Variants in EXOC4 observed in about 807,000 individuals in gnomAD.
The protein encoded by EXOC4 is SEC8-like 1.
Under a neutral mutation model 107.2 loss-of-function variants are expected in EXOC4, and 71 were observed. The ratio of observed to expected loss-of-function variants is 0.66; its 90% CI spans 0.55 to 0.81. EXOC4 has a LOEUF of 0.81. Ranked by LOEUF, EXOC4 falls within the 30% of genes least tolerant of loss-of-function variation. The pLI, the probability that EXOC4 is intolerant of heterozygous loss-of-function variation, is 0.00. For missense variants in EXOC4, 1,108 were observed against 1,189.6 expected (o/e 0.93, Z 1.01); for synonymous variants, 456 against 441.2 (o/e 1.03, Z -0.42).
rs1797395899 is a variant in EXOC4, at chr7:133,817,333, A to G, written c.1523A>G (p.Gln508Arg). ...TACTGTTTGTCCTCCAGATTTATTC[A>G]GGAGATTGAGCATGCTCTGGGTCTT... ...VIFHPLLRFI[Q>R]EIEHALGLGP... Residue 508 changes from glutamine (Q) to arginine (R), a missense_variant, in exon 11 of 18, where the codon CAG becomes CGG. Coordinates refer to ENST00000253861, the MANE Select transcript of EXOC4 (RefSeq NM_021807.4). 2 of 1,609,748 alleles carry G rather than the reference A, an allele frequency of 1.2e-6. No homozygotes were observed. Among genetic ancestry groups the G allele is most frequent in the Non-Finnish European group, 1.7e-6 (2 of 1,176,168 alleles).
chr7:133,696,565 G>T (rs547849713), intron 10 of EXOC4, among the ~76,000 whole-genome samples: 1 of 152,070 alleles, frequency 6.6e-6, no homozygotes, highest in South Asian at 2.1e-4. Context: ...TGTACCTTAT[G>T]GTCTTATATT....
At chr7:133,768,320 G>C (rs1192350569) in intron 10 of EXOC4, 2 of 151,816 alleles carry the variant, frequency 1.3e-5, no homozygotes, top group Non-Finnish European at 2.9e-5. Context: ...TTAAGAAAAA[G>C]TGCAATTCAG....
At position 133,602,487 on chromosome 7, in the gene EXOC4, G is replaced by A. The variant is rs143307780; in HGVS notation, c.1418-27558G>A. On this transcript the variant is annotated intron_variant, in intron 9 of 17. Transcript: ENST00000253861. ...TTGTGCTTTCTTGTCAGTATCAGTG[G>A]CATTCTCTAGGGGGAAGTGATTTCA... Among the ~76,000 whole-genome samples the A allele has an allele frequency of 2.0e-5, 3 of 152,278 alleles. No individual in the cohort carries two copies. In the East Asian group the frequency reaches 5.8e-4, roughly 29 times the overall value.
chr7:134,014,752 C>A (rs1335879947), intron 17 of EXOC4, among the ~76,000 whole-genome samples: 1 of 151,224 alleles, frequency 6.6e-6, no homozygotes, highest in African/African-American at 2.4e-5. Context: ...CCCTCTAAGT[C>A]TGAAAATTAT....
intron 10 of EXOC4, among the ~76,000 whole-genome samples, chr7:133,725,308 G>T (rs188717811): frequency 1.4e-4 from 21 of 152,272 alleles, no homozygotes; most frequent in Admixed American, 1.0e-3. Flanking sequence ...GCAGATCAAG[G>T]CTTAGCAAAA....
At chr7:133,286,858 C>T (rs1177270300) in intron 2 of EXOC4, among the ~76,000 whole-genome samples, 1 of 152,208 alleles carries the variant, frequency 6.6e-6, no homozygotes, top group Non-Finnish European at 1.5e-5. Flanking sequence ...CTCAACCATG[C>T]CTGGCATTTC....
intron 10 of EXOC4, among the ~76,000 whole-genome samples, chr7:133,712,435 G>T (rs1794911963): frequency 2.5e-5 from 1 of 40,380 alleles, no homozygotes; most frequent in South Asian, 1.0e-3. Context: ...ATGAAACTCT[G>T]TCTCAAAAAA....
chr7:133,878,214 G>C (rs545639372), intron 11 of EXOC4, among the ~76,000 whole-genome samples: 1 of 152,072 alleles, frequency 6.6e-6, no homozygotes, highest in Non-Finnish European at 1.5e-5. Context: ...AGTCAATTTT[G>C]CATTTTCCCA....
At chr7:133,601,517 A>G (rs1452816299) in intron 9 of EXOC4, among the ~76,000 whole-genome samples, 2 of 152,192 alleles carry the variant, frequency 1.3e-5, no homozygotes, top group Non-Finnish European at 1.5e-5. Context: ...CCTGGTGGAC[A>G]TGATCTTTAT....
rs560209679 is a variant in EXOC4 at position 133,575,699 on chromosome 7, T to C, written c.1418-54346T>C. Reference sequence around the variant, plus strand: ...GCAAAGAGGGTTTAAATCATAGTGGTGCCTCTCTCCTCCCTGGCTTCCCTG... The same window carrying C: ...GCAAAGAGGGTTTAAATCATAGTGGCGCCTCTCTCCTCCCTGGCTTCCCTG... On this transcript the variant is annotated intron_variant, in intron 9 of 17. Transcript: ENST00000253861. 1.1e-3 allele frequency among the ~76,000 whole-genome samples: 160 copies of C among 152,310 alleles called. No individual in the cohort carries two copies. In the South Asian group the frequency reaches 0.019, roughly 18 times the overall value.
chr7:133,758,299 C>T (rs1354070445), intron 10 of EXOC4, among the ~76,000 whole-genome samples: 6 of 152,010 alleles, frequency 3.9e-5, no homozygotes, highest in Non-Finnish European at 7.4e-5. Flanking sequence ...CCACCATGCC[C>T]GGCTAATTTT....
At chr7:134,057,733 T>C (rs943555944) in intron 17 of EXOC4, among the ~76,000 whole-genome samples, 5 of 152,196 alleles carry the variant, frequency 3.3e-5, no homozygotes, top group Non-Finnish European at 5.9e-5. Flanking sequence ...AAAAACAACA[T>C]CAGCTAATTC....
At chr7:133,735,219 CAAAAAAAAAAAAAAAAA>C (rs56769096) in intron 10 of EXOC4, among the ~76,000 whole-genome samples, 20 of 33,496 alleles carry the variant, frequency 6.0e-4, no homozygotes, top group South Asian at 2.5e-3. Flanking sequence ...GACTCTGTCT[CAAAAAAAAAAAAAAAAA>C]AAAAAAAAAA....
At chr7:133,419,982 T>A (rs1172906028) in intron 7 of EXOC4, among the ~76,000 whole-genome samples, 46 of 132,862 alleles carry the variant, frequency 3.5e-4, no homozygotes, top group Non-Finnish European at 5.6e-4. Flanking sequence ...TTTTTTTTTT[T>A]ATTATACTTT....
At chr7:133,684,297 A>G (rs571015908) in intron 10 of EXOC4, among the ~76,000 whole-genome samples, 3 of 152,312 alleles carry the variant, frequency 2.0e-5, no homozygotes, top group South Asian at 2.1e-4. Context: ...GAGTTGTGCA[A>G]TGCGCTCATA....
chr7:133,803,105 A>G (rs375631184), intron 10 of EXOC4, among the ~76,000 whole-genome samples: 1 of 152,216 alleles, frequency 6.6e-6, no homozygotes, highest in African/African-American at 2.4e-5. Flanking sequence ...GCCTTATGAC[A>G]ATGAGCAATT....
intron 10 of EXOC4, among the ~76,000 whole-genome samples, chr7:133,651,327 T>G (rs1393864108): frequency 6.6e-6 from 1 of 150,972 alleles, no homozygotes; most frequent in African/African-American, 2.4e-5. Context: ...AAAAGGATGT[T>G]ATATCTTCAA....
chr7:133,408,753 A>G (rs1797286027), intron 7 of EXOC4, among the ~76,000 whole-genome samples: 1 of 152,204 alleles, frequency 6.6e-6, no homozygotes, highest in African/African-American at 2.4e-5. Flanking sequence ...CATACTTCAC[A>G]GGAATGTTGC....
At chr7:133,319,964 T>G (rs1795076597) in intron 5 of EXOC4, among the ~76,000 whole-genome samples, 1 of 151,634 alleles carries the variant, frequency 6.6e-6, no homozygotes, top group Non-Finnish European at 1.5e-5. Context: ...ATGTCTTAAG[T>G]GCTTTACATG....
Sources: gnomAD v4.1 joint callset for allele counts (sites outside exome capture counted in the v4.1 genomes callset) on GRCh38, gnomAD v4.1.1 for gene constraint, MANE v1.5 for transcripts, NCBI Gene and HGNC (gene_info 2026-07-23, HGNC 2026-07-21) for gene names.